The following CLYBL variants were observed in gnomAD, a reference collection of about 807,000 sequenced individuals.
CLYBL encodes citramalyl-CoA lyase.
A neutral mutation model predicts 38.9 loss-of-function variants in CLYBL; 31 were observed. The observed-to-expected ratio is 0.80, with a 90% confidence interval of 0.60 to 1.08. The LOEUF is 1.08. Ranked by LOEUF, CLYBL falls within the 50% of genes least tolerant of loss-of-function variation. The pLI, the probability that CLYBL is intolerant of heterozygous loss-of-function variation, is 0.00. For synonymous variants in CLYBL, 171 were observed against 158.6 expected (o/e 1.08, Z -0.59); for missense variants, 434 against 411.6 (o/e 1.05, Z -0.47).
chr13:99,702,592 A>T (rs1219478264), intron 1 of CLYBL, among the ~76,000 whole-genome samples: 1 of 150,292 alleles, frequency 6.7e-6, no homozygotes, highest in Non-Finnish European at 1.5e-5. Context: ...AGATCACACC[A>T]TGGCACTCCA....
intron 6 of CLYBL, among the ~76,000 whole-genome samples, chr13:99,868,942 G>A (rs906520807): frequency 6.6e-6 from 1 of 152,062 alleles, no homozygotes; most frequent in Admixed American, 6.5e-5. Context: ...TTTAAAGCAC[G>A]ATATATCAAG....
intron 1 of CLYBL, among the ~76,000 whole-genome samples, chr13:99,614,559 C>T (rs551403720): frequency 4.6e-5 from 7 of 152,174 alleles, no homozygotes; most frequent in South Asian, 4.1e-4. Flanking sequence ...TACACCTGCC[C>T]GGGCAGGTGT....
intron 1 of CLYBL, among the ~76,000 whole-genome samples, chr13:99,695,673 C>G (rs2047968711): frequency 6.6e-6 from 1 of 152,148 alleles, no homozygotes; most frequent in African/African-American, 2.4e-5. Flanking sequence ...GTACGCACCA[C>G]CACACCTGGC....
chr13:99,864,476 G>A (rs950669341), intron 4 of CLYBL, among the ~76,000 whole-genome samples: 1 of 152,130 alleles, frequency 6.6e-6, no homozygotes, highest in South Asian at 2.1e-4. Flanking sequence ...GTGGTTTTAC[G>A]AGAGTCTCTT....
chr13:99,677,834 C>A (rs565219288), intron 1 of CLYBL, among the ~76,000 whole-genome samples: 1 of 152,130 alleles, frequency 6.6e-6, no homozygotes, highest in Non-Finnish European at 1.5e-5. Flanking sequence ...CAGTACACAT[C>A]GGGTTTCAAT....
chr13:99,734,494 G>A (rs2048637321), intron 1 of CLYBL, among the ~76,000 whole-genome samples: 1 of 151,886 alleles, frequency 6.6e-6, no homozygotes, highest in Admixed American at 6.6e-5. Flanking sequence ...TAGTAGGCGT[G>A]GCAATGACTT....
At chr13:99,653,755 G>T (rs1201522608) in intron 1 of CLYBL, among the ~76,000 whole-genome samples, 1 of 152,064 alleles carries the variant, frequency 6.6e-6, no homozygotes, top group African/African-American at 2.4e-5. Flanking sequence ...GACGCTGACA[G>T]TGTGGTTTTG....
chr13:99,637,713 G>A (rs187716007), intron 1 of CLYBL, among the ~76,000 whole-genome samples: 8 of 152,240 alleles, frequency 5.3e-5, no homozygotes, highest in African/African-American at 9.6e-5. Context: ...AGCTGAGATC[G>A]CGCCACTGCA....
In CLYBL at chr13:99,819,446, ATATATATATATATATATAT is replaced by A. The variant is rs1566340184; in HGVS notation, c.250-39414_250-39396del. ...TATATATATATATATATATATATAT[ATATATATATATATATATAT>A]ATAATATTTGTCAGGGTTGTCTGGG... On this transcript the variant is annotated intron_variant, in intron 2 of 8. Coordinates refer to ENST00000339105, the MANE Select transcript of CLYBL (RefSeq NM_206808.5). Among the ~76,000 whole-genome samples the A allele has an allele frequency of 7.0e-4, 60 of 85,326 alleles. 1 individual carries two copies. The highest frequency in any genetic ancestry group is 2.3e-3 in the East Asian group (5 of 2,190). 56.0% of individuals were successfully genotyped at this position (85,326 alleles called of 152,430 possible). A position where few individuals can be genotyped will look rare whatever the true frequency, so the allele number is the denominator to read the frequency against.
chr13:99,608,084 TTTC>T (rs1419959469), intron 1 of CLYBL, among the ~76,000 whole-genome samples: 151 of 139,098 alleles, frequency 1.1e-3, no homozygotes, highest in African/African-American at 2.1e-3. Flanking sequence ...TTTTTTTTTT[TTTC>T]CGAGATGGAG....
intron 1 of CLYBL, among the ~76,000 whole-genome samples, chr13:99,721,228 AG>A (rs1417730885): frequency 6.6e-6 from 1 of 151,770 alleles, no homozygotes; most frequent in African/African-American, 2.4e-5. Context: ...TATTTTTAGT[AG>A]AGACGGGGTT....
At chr13:99,814,407 C>G (rs1479207689) in intron 2 of CLYBL, among the ~76,000 whole-genome samples, 1 of 152,140 alleles carries the variant, frequency 6.6e-6, no homozygotes, top group Non-Finnish European at 1.5e-5. Context: ...GCATTGTTTG[C>G]CCCTTTGAAC....
intron 1 of CLYBL, among the ~76,000 whole-genome samples, chr13:99,738,382 G>A (rs1398867714): frequency 6.6e-6 from 1 of 152,190 alleles, no homozygotes; most frequent in African/African-American, 2.4e-5. Context: ...TGGTGGCTAT[G>A]GCATTGTATA....
In CLYBL at chr13:99,865,005, A is replaced by T. The variant is rs181692023; in HGVS notation, c.634+94A>T. 1.2e-6 allele frequency: 1 copy of T among 868,492 alleles called. No homozygotes were observed. Among genetic ancestry groups the T allele is most frequent in the Admixed American group, 1.8e-5 (1 of 55,542 alleles). The allele number at this position is 868,492 out of a possible 1,614,324, so 53.8% of individuals were successfully genotyped here. On this transcript the variant is annotated intron_variant, in intron 5 of 8. Coordinates refer to ENST00000339105, the MANE Select transcript of CLYBL (RefSeq NM_206808.5). This position sits in a 1 kb window ranked among gnomAD's most constrained non-coding sequence, Gnocchi z 4.7. ...TTGCCCCTCAAGGATGGACATTTACATAACAATGTATATTTGCCAACCATG... is the reference window on the plus strand; with the variant it reads ...TTGCCCCTCAAGGATGGACATTTACTTAACAATGTATATTTGCCAACCATG...
intron 1 of CLYBL, among the ~76,000 whole-genome samples, chr13:99,708,443 G>A (rs1021040258): frequency 6.6e-6 from 1 of 152,172 alleles, no homozygotes; most frequent in Non-Finnish European, 1.5e-5. Context: ...CTGAATGAGT[G>A]GAACACTGAG....
At chr13:99,856,300 G>A (rs1743879750) in intron 2 of CLYBL, among the ~76,000 whole-genome samples, 4 of 152,296 alleles carry the variant, frequency 2.6e-5, no homozygotes, top group African/African-American at 9.6e-5. Flanking sequence ...TAACAATTTA[G>A]GAAGTTGATG....
chr13:99,843,365 C>CA (rs1456040580), intron 2 of CLYBL, among the ~76,000 whole-genome samples: 1 of 152,202 alleles, frequency 6.6e-6, no homozygotes, highest in African/African-American at 2.4e-5. Flanking sequence ...TCAGTCGCTA[C>CA]ACCCCCATCA....
At chr13:99,635,652 G>A (rs931885004) in intron 1 of CLYBL, among the ~76,000 whole-genome samples, 3 of 152,154 alleles carry the variant, frequency 2.0e-5, no homozygotes, top group East Asian at 1.9e-4. Context: ...GTCCTGTCCC[G>A]GCCTCCCATA....
At position 99,740,806 on chromosome 13, in the gene CLYBL, C is replaced by T. The variant is rs552317117; in HGVS notation, c.63-32018C>T. Among the ~76,000 whole-genome samples, 4 of 152,246 alleles carry T rather than the reference C, an allele frequency of 2.6e-5. No individual in the cohort carries two copies. The East Asian group carries it at 5.8e-4, about 22-fold the overall frequency. On this transcript the variant is annotated intron_variant, in intron 1 of 8. Coordinates refer to ENST00000339105, the MANE Select transcript of CLYBL (RefSeq NM_206808.5). ...TCCAGCTTGACCTGGCAGCATTTAA[C>T]GGCGTGCACACAGCTGGATCAATGG...
Sources: gnomAD v4.1 joint callset for allele counts (sites outside exome capture counted in the v4.1 genomes callset) on GRCh38, gnomAD v4.1.1 for gene constraint, Gnocchi (gnomAD v3.1) non-coding constraint, MANE v1.5 for transcripts, NCBI Gene and HGNC (gene_info 2026-07-23, HGNC 2026-07-21) for gene names.